Variants in NOS1 observed in about 807,000 individuals in gnomAD.
NOS1 encodes the protein NOS type I.
In NOS1, 51 loss-of-function variants were observed where a neutral mutation model predicts 164.5. The ratio of observed to expected loss-of-function variants is 0.31; its 90% CI spans 0.25 to 0.39. The LOEUF (loss-of-function observed/expected upper bound fraction) is 0.39. NOS1 is among the 10% of genes least tolerant of loss of function. NOS1 has a pLI of 1.00. For missense variants in NOS1, 1,362 were observed against 1,885.6 expected (o/e 0.72, Z 5.14); for synonymous variants, 719 against 745.8 (o/e 0.96, Z 0.59).
In NOS1 at chr12:117,210,452, G is replaced by A. The variant is rs975239447; in HGVS notation, c.*4857C>T. The A allele has an allele frequency of 5.0e-5, 49 of 985,498 alleles. No homozygotes were observed. The highest frequency in any genetic ancestry group is 6.2e-5 in the Admixed American group (1 of 16,260). 61.0% of individuals were successfully genotyped at this position (985,498 alleles called of 1,614,324 possible). On this transcript the variant is annotated 3_prime_UTR_variant, in exon 29 of 29. Coordinates refer to ENST00000317775, the MANE Select transcript of NOS1 (RefSeq NM_000620.5). ...GACAGAAGGCTTTGAGGACATGGTG[G>A]CCACAGCGGCATGCTGGGTATGTGG...
intron 16 of NOS1, among the ~76,000 whole-genome samples, chr12:117,258,108 T>C (rs78341512): frequency 1.3e-5 from 2 of 152,240 alleles, no homozygotes; most frequent in African/African-American, 4.8e-5. Context: ...CAGCACACAG[T>C]GCTTTTACAT....
At chr12:117,270,585 G>T (rs1872719453) in intron 10 of NOS1, among the ~76,000 whole-genome samples, 1 of 151,954 alleles carries the variant, frequency 6.6e-6, no homozygotes, top group Non-Finnish European at 1.5e-5. Flanking sequence ...GAAGAACAAT[G>T]CTATTGTTAT....
In NOS1 at chr12:117,255,890, TGCATAC is replaced by T. The variant is rs1871399677; in HGVS notation, c.2532-2142_2532-2137del. On this transcript the variant is annotated intron_variant, in intron 16 of 28. Transcript: ENST00000317775. Reference sequence around the variant, plus strand: ...GGGATGCTCAGGCATTGGGTGTGCATGCATACACTCGCACACACCTGCGTGTACACA... The same window carrying T: ...GGGATGCTCAGGCATTGGGTGTGCATACTCGCACACACCTGCGTGTACACA... 98 of 1,195,650 alleles carry T rather than the reference TGCATAC, an allele frequency of 8.2e-5. No individual in the cohort carries two copies. The East Asian group carries it at 2.7e-3, about 33-fold the overall frequency. 74.1% of individuals were successfully genotyped at this position (1,195,650 alleles called of 1,614,324 possible).
At chr12:117,216,069 G>A (rs1055113461) in intron 28 of NOS1, among the ~76,000 whole-genome samples, 42 of 150,068 alleles carry the variant, frequency 2.8e-4, no homozygotes, top group African/African-American at 8.3e-4. Flanking sequence ...GTAGAGACAG[G>A]GTTTTGCCAT....
At position 117,356,237 on chromosome 12, in the gene NOS1, T is replaced by C. The variant is rs1420521720; in HGVS notation, c.-421+5275A>G. On this transcript the variant is annotated intron_variant, in intron 1 of 28. Transcript: ENST00000317775. This position sits in a 1 kb window ranked among gnomAD's most constrained non-coding sequence, Gnocchi z 4.2. ...GAGATGTTAATTCTCTCACTCTGAG[T>C]CACAGAATCCACAAGTGCCCAAGCT... is the stretch of plus-strand genomic sequence containing the variant. Among the ~76,000 whole-genome samples the C allele has an allele frequency of 6.6e-6, 1 of 152,118 alleles. No individual in the cohort carries two copies. The highest frequency in any genetic ancestry group is 1.5e-5 in the Non-Finnish European group (1 of 68,030).
intron 25 of NOS1, among the ~76,000 whole-genome samples, chr12:117,223,330 C>T (rs953645742): frequency 2.5e-4 from 37 of 150,738 alleles, no homozygotes; most frequent in Non-Finnish European, 4.1e-4. Flanking sequence ...GGCACGACCT[C>T]GGCTCACTGC....
At position 117,286,067 on chromosome 12, in the gene NOS1, T is replaced by C. The variant is rs138673274; in HGVS notation, c.1290+37A>G. 159 of 1,611,208 alleles carry C rather than the reference T, an allele frequency of 9.9e-5. No individual in the cohort carries two copies. In the East Asian group the frequency reaches 3.4e-3, roughly 35 times the overall value. On this transcript the variant is annotated intron_variant, in intron 6 of 28. Coordinates refer to ENST00000317775, the MANE Select transcript of NOS1 (RefSeq NM_000620.5). ...CACTCCCCTTCCCCTCTTCCCTCAT[T>C]TAAGGGCTCTTCAAGGTATCTGACT...
intron 6 of NOS1, 65 bp from the exon 7 acceptor site, chr12:117,285,397 C>T: frequency 1.8e-6 from 2 of 1,124,378 alleles, no homozygotes; most frequent in Non-Finnish European, 2.6e-6. Context: ...CCAGCGCAAT[C>T]TTCCCATTTT....
chr12:117,253,529 A>G (rs753564139), intron 17 of NOS1, 109 bp downstream of exon 17: 8 of 741,740 alleles, frequency 1.1e-5, no homozygotes, highest in Non-Finnish European at 1.8e-5. Flanking sequence ...TTTATGAGAA[A>G]TGAATGGACA....
rs770347216 is a variant in NOS1 at position 117,331,111 on chromosome 12, T to C, written c.-42A>G. The C allele has an allele frequency of 1.3e-6, 2 of 1,571,304 alleles. No homozygotes were observed. Among genetic ancestry groups the C allele is most frequent in the South Asian group, 1.2e-5 (1 of 83,034 alleles). On this transcript the variant is annotated 5_prime_UTR_variant, in exon 2 of 29. Transcript: ENST00000317775. Reference sequence around the variant, plus strand: ...GGGGTCCTGTCTGAAGACCTCACAATGCTATCAGGCCAAGATGATTTCACC... The same window carrying C: ...GGGGTCCTGTCTGAAGACCTCACAACGCTATCAGGCCAAGATGATTTCACC...
intron 17 of NOS1, among the ~76,000 whole-genome samples, chr12:117,250,798 T>G (rs1185504842): frequency 1.3e-5 from 2 of 152,166 alleles, no homozygotes; most frequent in Non-Finnish European, 2.9e-5. Flanking sequence ...CTTAGCCCAG[T>G]GCAGATCTGG....
intron 1 of NOS1, among the ~76,000 whole-genome samples, chr12:117,341,536 T>G (rs1187636510): frequency 6.6e-6 from 1 of 152,182 alleles, no homozygotes; most frequent in African/African-American, 2.4e-5. Context: ...GACCAATATA[T>G]CCATCCATCA....
At chr12:117,328,436 T>G (rs938533177) in intron 2 of NOS1, among the ~76,000 whole-genome samples, 3 of 152,244 alleles carry the variant, frequency 2.0e-5, no homozygotes, top group Admixed American at 6.5e-5. Context: ...CCCAAAGTGC[T>G]GGGATTATAG....
At chr12:117,320,476 C>G (rs968023956) in intron 2 of NOS1, among the ~76,000 whole-genome samples, 1 of 152,122 alleles carries the variant, frequency 6.6e-6, no homozygotes, top group Non-Finnish European at 1.5e-5. Flanking sequence ...TCTTCAAGAG[C>G]CTCCAGGAAA....
rs1314717537 is a variant in NOS1, at chr12:117,307,055, AG to A, written c.852+4410del. On this transcript the variant is annotated intron_variant, in intron 3 of 28. Coordinates refer to ENST00000317775, the MANE Select transcript of NOS1 (RefSeq NM_000620.5). ...TTGAAGACCAAAGTTATGCTTTGCA[AG>A]TTGGCATTGTCTAACTAAGGTGGGC... Among the ~76,000 whole-genome samples, 9 of 152,370 alleles carry A rather than the reference AG, an allele frequency of 5.9e-5. No individual in the cohort carries two copies. The East Asian group carries it at 1.7e-3, about 29-fold the overall frequency.
intron 17 of NOS1, among the ~76,000 whole-genome samples, chr12:117,249,351 C>T (rs1870909591): frequency 6.6e-6 from 1 of 152,096 alleles, no homozygotes; most frequent in Non-Finnish European, 1.5e-5. Context: ...CTAATTGGTT[C>T]TAAGGAGGAC....
chr12:117,318,874 C>T (rs528309802), intron 2 of NOS1, among the ~76,000 whole-genome samples: 1 of 152,196 alleles, frequency 6.6e-6, no homozygotes, highest in African/African-American at 2.4e-5. Flanking sequence ...CCTGCTTCTC[C>T]TGGCCCTGCA....
intron 21 of NOS1, among the ~76,000 whole-genome samples, chr12:117,233,347 C>G (rs1212552927): frequency 6.6e-6 from 1 of 151,704 alleles, no homozygotes; most frequent in Non-Finnish European, 1.5e-5. Flanking sequence ...CCATGCCCGG[C>G]CTGATGCCTG....
chr12:117,265,072 C>T (rs1872278958), intron 12 of NOS1, among the ~76,000 whole-genome samples: 1 of 151,992 alleles, frequency 6.6e-6, no homozygotes, highest in Non-Finnish European at 1.5e-5. Flanking sequence ...TCTCAAACTC[C>T]TGGCCTCAAG....
Sources: gnomAD v4.1 joint callset for allele counts (sites outside exome capture counted in the v4.1 genomes callset) on GRCh38, gnomAD v4.1.1 for gene constraint, Gnocchi (gnomAD v3.1) non-coding constraint, MANE v1.5 for transcripts, NCBI Gene and HGNC (gene_info 2026-07-23, HGNC 2026-07-21) for gene names.